ADAM28: variants seen among roughly 807,000 people sequenced by gnomAD.
ADAM28 encodes ADAM metallopeptidase domain 28.
A neutral mutation model predicts 101.2 loss-of-function variants in ADAM28; 105 were observed. The observed-to-expected ratio is 1.04, with a 90% confidence interval of 0.89 to 1.22. The LOEUF (loss-of-function observed/expected upper bound fraction) is 1.22. Ranked by LOEUF, ADAM28 falls within the 50% of genes most tolerant of loss-of-function variation. The pLI, the probability that ADAM28 is intolerant of heterozygous loss-of-function variation, is 0.00. For synonymous variants in ADAM28, 322 were observed against 310.6 expected (o/e 1.04, Z -0.39); for missense variants, 1,028 against 945.4 (o/e 1.09, Z -1.15).
intron 10 of ADAM28, among the ~76,000 whole-genome samples, chr8:24,327,147 C>T (rs752653338): frequency 3.9e-5 from 6 of 152,032 alleles, no homozygotes; most frequent in Non-Finnish European, 5.9e-5. Context: ...TTAGAAAACC[C>T]CATCGTATCA....
At chr8:24,351,105 A>T in intron 19 of ADAM28, 127 bp from the exon 20 acceptor site, 1 of 675,910 alleles carries the variant, frequency 1.5e-6, no homozygotes, top group Non-Finnish European at 2.3e-6. Context: ...CAGGGAGCAG[A>T]TAAAAACCCA....
chr8:24,340,819 A>G (rs906231541), intron 15 of ADAM28: 2 of 152,240 alleles, frequency 1.3e-5, no homozygotes, highest in Admixed American at 1.3e-4. Flanking sequence ...ATCTGATGCC[A>G]TCACTTTCTG....
intron 14 of ADAM28, chr8:24,336,259 T>A: frequency 1.2e-6 from 1 of 814,124 alleles, no homozygotes; most frequent in Non-Finnish European, 1.5e-6. Flanking sequence ...TAAAGAGATA[T>A]CCGAAAATTT....
rs1395765868 is a variant in ADAM28 at position 24,357,778 on chromosome 8, T to C, written c.*3374T>C. The C allele has an allele frequency of 6.6e-6, 1 of 152,128 alleles. No individual in the cohort carries two copies. Among genetic ancestry groups the C allele is most frequent in the Non-Finnish European group, 1.5e-5 (1 of 67,992 alleles). The allele number at this position is 152,128 out of a possible 1,614,324, so 9.4% of individuals were successfully genotyped here. On this transcript the variant is annotated 3_prime_UTR_variant, in exon 23 of 23. Transcript: ENST00000265769. ...TGCAAAACTTTTTTTCCTTTCTTTGTGTCTCTAGTCTCTTCCATTTGTTCT... is the reference window on the plus strand; with the variant it reads ...TGCAAAACTTTTTTTCCTTTCTTTGCGTCTCTAGTCTCTTCCATTTGTTCT...
intron 14 of ADAM28, among the ~76,000 whole-genome samples, chr8:24,337,114 C>CTG (rs1475736463): frequency 2.0e-5 from 3 of 152,226 alleles, no homozygotes; most frequent in African/African-American, 7.2e-5. Flanking sequence ...GTAAACTTCT[C>CTG]TGTCTTTGGC....
Position 24,357,763 on chromosome 8 carries a change from T to C in ADAM28, c.*3359T>C, listed in dbSNP as rs1473316505. ...ATAGGCTTTCATCACTGCAAAACTT[T>C]TTTTCCTTTCTTTGTGTCTCTAGTC... On this transcript the variant is annotated 3_prime_UTR_variant, in exon 23 of 23. Coordinates refer to ENST00000265769, the MANE Select transcript of ADAM28 (RefSeq NM_014265.6). 8.9e-5 allele frequency: 1 copy of C among 11,188 alleles called. No homozygotes were observed. Among genetic ancestry groups the C allele is most frequent in the African/African-American group, 1.8e-4 (1 of 5,474 alleles). The allele number at this position is 11,188 out of a possible 1,614,324, so 0.7% of individuals were successfully genotyped here. A position where few individuals can be genotyped will look rare whatever the true frequency, so the allele number is the denominator to read the frequency against.
intron 19 of ADAM28, 38 bp downstream of exon 19, chr8:24,350,010 A>G (rs1815886336): frequency 6.3e-7 from 1 of 1,578,516 alleles, no homozygotes; most frequent in South Asian, 1.1e-5. Context: ...GGACTCTTTG[A>G]CCCCTATTTT....
chr8:24,344,129 A>G (rs979996999), intron 18 of ADAM28, among the ~76,000 whole-genome samples: 3 of 152,038 alleles, frequency 2.0e-5, no homozygotes, highest in African/African-American at 2.4e-5. Context: ...ACCTACTGAT[A>G]TTTCTCTTGA....
rs980094290 is a variant in ADAM28, at chr8:24,316,928, T to A, written c.577-3308T>A. The stretch of plus-strand genomic sequence containing the variant: ...ACATTTCTATACACGAATAACAACC[T>A]AGCCAAAAATGAAATCAAGAACACC... On this transcript the variant is annotated intron_variant, in intron 6 of 22. Coordinates refer to ENST00000265769, the MANE Select transcript of ADAM28 (RefSeq NM_014265.6). 2.0e-4 allele frequency among the ~76,000 whole-genome samples: 31 copies of A among 151,928 alleles called. No individual in the cohort carries two copies. The East Asian group carries it at 6.0e-3, about 29-fold the overall frequency.
intron 2 of ADAM28, among the ~76,000 whole-genome samples, chr8:24,303,139 T>C (rs1295938974): frequency 1.3e-5 from 2 of 152,192 alleles, no homozygotes; most frequent in Non-Finnish European, 2.9e-5. Context: ...AGAAGCTCTT[T>C]AGTTTTATTA....
chr8:24,343,942 T>C (rs1815104045), intron 18 of ADAM28, among the ~76,000 whole-genome samples: 1 of 152,232 alleles, frequency 6.6e-6, no homozygotes, highest in Non-Finnish European at 1.5e-5. Flanking sequence ...TTTTGTATGT[T>C]CAGTTCTATT....
intron 19 of ADAM28, among the ~76,000 whole-genome samples, chr8:24,350,322 T>G (rs1474593913): frequency 6.6e-6 from 1 of 152,088 alleles, no homozygotes; most frequent in Non-Finnish European, 1.5e-5. Flanking sequence ...CCCACCCACT[T>G]TTTTTTGAGA....
chr8:24,319,471 C>T (rs1811586128), intron 6 of ADAM28, among the ~76,000 whole-genome samples: 1 of 151,912 alleles, frequency 6.6e-6, no homozygotes. Flanking sequence ...ATATTTCGTT[C>T]CCATGGAGGG....
intron 14 of ADAM28, among the ~76,000 whole-genome samples, chr8:24,336,476 A>G (rs745419042): frequency 3.9e-4 from 57 of 146,924 alleles, no homozygotes; most frequent in East Asian, 1.1e-3. Flanking sequence ...GCTACTCGGG[A>G]GGCTGAGGCA....
rs375413622 is a variant in ADAM28 at position 24,343,084 on chromosome 8, T to A, written c.1831-17T>A. 1 of 1,613,416 alleles carries A rather than the reference T, an allele frequency of 6.2e-7. No homozygotes were observed. The highest frequency in any genetic ancestry group is 8.5e-7 in the Non-Finnish European group (1 of 1,179,658). ...TTCAGAGAAGATGAAGCTTCATGTT[T>A]TCTACATCACTTTCAGGTTTGCATT... On this transcript the variant is annotated splice_polypyrimidine_tract_variant and intron_variant, in intron 16 of 22. Coordinates refer to ENST00000265769, the MANE Select transcript of ADAM28 (RefSeq NM_014265.6).
rs1324899230 is a variant in ADAM28 at position 24,349,954 on chromosome 8, A to C, written c.2081A>C (p.Lys694Thr). The C allele has an allele frequency of 6.2e-7, 1 of 1,613,592 alleles. No individual in the cohort carries two copies. The highest frequency in any genetic ancestry group is 8.5e-7 in the Non-Finnish European group (1 of 1,179,660). The change falls in exon 19 of 23, where the codon AAG (lysine) becomes ACG (threonine). Residue 694 changes from lysine (K) to threonine (T), a missense_variant. Transcript: ENST00000265769. ...ATCCGGCACCAGAGCTCCAGAGAAAAGCAGAAGAAAGATCAGAGGTGATCC... is the reference window on the plus strand; with the variant it reads ...ATCCGGCACCAGAGCTCCAGAGAAACGCAGAAGAAAGATCAGAGGTGATCC... ...MVIRHQSSRE[K>T]QKKDQRPLST... is the part of the protein sequence containing the mutation.
chr8:24,314,624 C>T (rs1455848824), intron 6 of ADAM28, among the ~76,000 whole-genome samples: 2 of 151,840 alleles, frequency 1.3e-5, no homozygotes, highest in Non-Finnish European at 2.9e-5. Flanking sequence ...CCAGCAAGTT[C>T]AGTAGTAAAG....
chr8:24,321,490 T>C, intron 8 of ADAM28: 1 of 586,614 alleles, frequency 1.7e-6, no homozygotes, highest in Non-Finnish European at 3.1e-6. Flanking sequence ...ACTTTTCTTA[T>C]TTACCTGCCA....
At chr8:24,328,103 C>T (rs1353219944) in intron 10 of ADAM28, among the ~76,000 whole-genome samples, 1 of 151,874 alleles carries the variant, frequency 6.6e-6, no homozygotes, top group Non-Finnish European at 1.5e-5. Context: ...CATTGCATTT[C>T]CAGCACTCTT....
Sources: gnomAD v4.1 joint callset for allele counts (sites outside exome capture counted in the v4.1 genomes callset) on GRCh38, gnomAD v4.1.1 for gene constraint, MANE v1.5 for transcripts, NCBI Gene and HGNC (gene_info 2026-07-23, HGNC 2026-07-21) for gene names.